The following FRMPD4 variants were observed in gnomAD, a reference collection of about 807,000 sequenced individuals.
FRMPD4 encodes FERM and PDZ domain containing 4, also known as FERM and PDZ domain-containing protein 4.
Under a neutral mutation model 94.1 loss-of-function variants are expected in FRMPD4, and 22 were observed. The ratio of observed to expected loss-of-function variants is 0.23; its 90% CI spans 0.17 to 0.33. The LOEUF is 0.33. Ranked by LOEUF, FRMPD4 falls within the 10% of genes least tolerant of loss-of-function variation. The pLI is 1.00. For missense variants in FRMPD4, 1,111 were observed against 1,339.9 expected, an observed-to-expected ratio of 0.83 and a Z score of 2.67; for synonymous variants, 631 against 548.6, an observed-to-expected ratio of 1.15 and a Z score of -2.10.
At position 12,560,742 on chromosome X, in the gene FRMPD4, CT is replaced by C. The variant is rs749269384; in HGVS notation, c.159-48934del. Among the ~76,000 whole-genome samples the C allele has an allele frequency of 3.2e-4, 14 of 43,446 alleles. No individual in the cohort carries two copies. The East Asian group carries it at 4.4e-3, about 14-fold the overall frequency. 37.7% of individuals were successfully genotyped at this position (43,446 alleles called of 115,157 possible). On this transcript the variant is annotated intron_variant, in intron 2 of 16. Coordinates refer to ENST00000675598, the MANE Select transcript of FRMPD4 (RefSeq NM_001368397.1). ...CCCTAGTGTATGCACCTCCCCTCAT[CT>C]TTTTTTTTTTTTTTTTTTTTTTTTT... is the stretch of plus-strand genomic sequence containing the variant.
intron 1 of FRMPD4, among the ~76,000 whole-genome samples, chrX:12,270,730 A>G (rs952859602): frequency 2.6e-4 from 29 of 111,685 alleles, no homozygotes; most frequent in African/African-American, 9.1e-4. Context: ...TCACTTACCC[A>G]TCGTTTCTTC....
At chrX:12,607,308 G>C (rs943123777) in intron 2 of FRMPD4, among the ~76,000 whole-genome samples, 1 of 110,830 alleles carries the variant, frequency 9.0e-6, no homozygotes, top group Non-Finnish European at 1.9e-5. Flanking sequence ...CTAATCTCTG[G>C]GTCCCGAAAA....
intron 1 of FRMPD4, among the ~76,000 whole-genome samples, chrX:11,862,089 C>A (rs1162738379): frequency 2.7e-5 from 3 of 111,155 alleles, no homozygotes; most frequent in Non-Finnish European, 5.7e-5. Context: ...ACATGAACAG[C>A]ACCAAGGGGG....
rs1052782637 is a variant in FRMPD4 at position 12,138,794 on chromosome X, G to C, written c.-178G>C. ...TGCACACGCAGCTCGCGGCCGGAGG[G>C]GGGTAGCAGCCGCCGCCTCCAGGTG... On this transcript the variant is annotated 5_prime_UTR_variant, in exon 1 of 17. Coordinates refer to ENST00000675598, the MANE Select transcript of FRMPD4 (RefSeq NM_001368397.1). The C allele has an allele frequency of 7.2e-5, 26 of 362,971 alleles. No homozygotes were observed. The highest frequency in any genetic ancestry group is 9.9e-5 in the Non-Finnish European group (21 of 212,984). 29.9% of individuals were successfully genotyped at this position (362,971 alleles called of 1,213,427 possible). A position where few individuals can be genotyped will look rare whatever the true frequency, so the allele number is the denominator to read the frequency against.
At chrX:12,110,712 C>T (rs377696794) in intron 3 of FRMPD4, among the ~76,000 whole-genome samples, 4 of 111,712 alleles carry the variant, frequency 3.6e-5, no homozygotes, top group Non-Finnish European at 7.5e-5. Context: ...GATAAGCAAC[C>T]TCAGCAAAGT....
At chrX:12,563,244 A>T (rs190259904) in intron 2 of FRMPD4, among the ~76,000 whole-genome samples, 329 of 100,675 alleles carry the variant, frequency 3.3e-3, no homozygotes, top group Middle Eastern at 0.017. Flanking sequence ...GTGTGTACAC[A>T]CACACACACA....
intron 1 of FRMPD4, among the ~76,000 whole-genome samples, chrX:12,388,163 A>C (rs772412163): frequency 2.7e-5 from 3 of 111,463 alleles, no homozygotes; most frequent in Non-Finnish European, 5.6e-5. Flanking sequence ...ATATCTTGGC[A>C]AAAGTGTTAG....
intron 1 of FRMPD4, among the ~76,000 whole-genome samples, chrX:12,404,560 C>A (rs1194853189): frequency 1.8e-5 from 2 of 111,791 alleles, no homozygotes; most frequent in Non-Finnish European, 3.8e-5. Context: ...GTCCAAATAA[C>A]CCTTTTGGGA....
At chrX:11,862,988 ATC>A (rs199555275) in intron 1 of FRMPD4, among the ~76,000 whole-genome samples, 1 of 31,114 alleles carries the variant, frequency 3.2e-5, no homozygotes, top group Non-Finnish European at 6.0e-5. Flanking sequence ...TTTTTGATGC[ATC>A]TCTCTCTCTT....
chrX:12,641,976 G>A (rs184265125), intron 4 of FRMPD4, among the ~76,000 whole-genome samples: 1 of 111,421 alleles, frequency 9.0e-6, no homozygotes, highest in African/African-American at 3.3e-5. Context: ...CACTTCCTTG[G>A]GTGCTTGGCA....
chrX:12,326,717 A>T (rs773465525), intron 1 of FRMPD4, among the ~76,000 whole-genome samples: 1 of 111,376 alleles, frequency 9.0e-6, no homozygotes, highest in South Asian at 3.8e-4. Flanking sequence ...CACACCTTTA[A>T]TCTCAGTGCT....
chrX:11,957,876 C>T (rs140383070), intron 3 of FRMPD4, among the ~76,000 whole-genome samples: 1 of 112,369 alleles, frequency 8.9e-6, no homozygotes, highest in African/African-American at 3.2e-5. Flanking sequence ...CTTCTTTTGA[C>T]TGAAAGTAGT....
intron 6 of FRMPD4, among the ~76,000 whole-genome samples, chrX:12,684,748 A>G (rs2060004276): frequency 8.9e-6 from 1 of 112,632 alleles, no homozygotes; most frequent in African/African-American, 3.2e-5. Context: ...CGAGCGTGTA[A>G]TTGGGCAACC....
intron 2 of FRMPD4, among the ~76,000 whole-genome samples, chrX:11,875,869 A>ATTTTT (rs869076863): frequency 2.6e-4 from 15 of 57,265 alleles, no homozygotes; most frequent in African/African-American, 3.5e-4. Context: ...CCACTTGAGG[A>ATTTTT]TTTTTTTTTT....
chrX:12,494,724 G>A (rs1602023304), intron 1 of FRMPD4, among the ~76,000 whole-genome samples: 2 of 111,683 alleles, frequency 1.8e-5, no homozygotes, highest in African/African-American at 3.3e-5. Flanking sequence ...AATACAAATC[G>A]TTCCACAACT....
At chrX:11,977,372 T>C (rs1421349322) in intron 3 of FRMPD4, among the ~76,000 whole-genome samples, 4 of 112,562 alleles carry the variant, frequency 3.6e-5, no homozygotes. Context: ...TTATTCCTCC[T>C]GGAAATCTCC....
chrX:11,994,617 T>C (rs1016453903), intron 3 of FRMPD4, among the ~76,000 whole-genome samples: 1 of 111,747 alleles, frequency 8.9e-6, no homozygotes, highest in Non-Finnish European at 1.9e-5. Context: ...CTCAATTTCT[T>C]ATATCATTTC....
intron 4 of FRMPD4, among the ~76,000 whole-genome samples, chrX:12,647,130 G>C (rs959139832): frequency 1.5e-4 from 17 of 111,826 alleles, no homozygotes; most frequent in South Asian, 7.5e-4. Flanking sequence ...GTGACACCTG[G>C]TTCTTCCTTC....
Position 12,683,576 on chromosome X carries a change from G to A in FRMPD4, c.562G>A (p.Gly188Ser). ...VRFSEEVIINGQVSETVKDNS... is the reference protein window; with the variant it reads ...VRFSEEVIINSQVSETVKDNS... ...CTTCTCTGAGGAGGTCATCATCAACGGCCAAGTGTCGGTGAGTTTACAGTC... is the reference window on the plus strand; with the variant it reads ...CTTCTCTGAGGAGGTCATCATCAACAGCCAAGTGTCGGTGAGTTTACAGTC... Residue 188 changes from glycine (G) to serine (S), a missense_variant, in exon 6 of 17, where the codon GGC (glycine) becomes AGC (serine). Physicochemically the swap from Gly to Ser is moderately conservative, Grantham distance 56. This residue lies in a region of FRMPD4 where 140 missense variants were observed against 165.9 expected (regional missense o/e 0.84). Transcript: ENST00000675598. 2 of 1,126,208 alleles carry A rather than the reference G, an allele frequency of 1.8e-6. No individual in the cohort carries two copies. The highest frequency in any genetic ancestry group is 2.4e-6 in the Non-Finnish European group (2 of 819,660). The allele number at this position is 1,126,208 out of a possible 1,213,427, so 92.8% of individuals were successfully genotyped here.
Sources: gnomAD v4.1 joint callset for allele counts (sites outside exome capture counted in the v4.1 genomes callset) on GRCh38, gnomAD v4.1.1 for gene constraint, gnomAD v4.1.1 regional missense constraint, MANE v1.5 for transcripts, NCBI Gene and HGNC (gene_info 2026-07-23, HGNC 2026-07-21) for gene names.